The following ANKFY1 variants were observed in gnomAD, a reference collection of about 807,000 sequenced individuals.
The protein encoded by ANKFY1 is ankyrin repeat and FYVE domain containing 1.
A neutral mutation model predicts 128.3 loss-of-function variants in ANKFY1; 47 were observed. The observed-to-expected ratio is 0.37, with a 90% CI of 0.29 to 0.47. ANKFY1 has a LOEUF of 0.47. Among genes scored for constraint, ANKFY1 ranks in the 20% least tolerant of loss-of-function variants. The pLI, the probability that ANKFY1 is intolerant of heterozygous loss-of-function variation, is 1.00. For missense variants in ANKFY1, 1,222 were observed against 1,510.6 expected, an observed-to-expected ratio of 0.81 and a Z score of 3.17; for synonymous variants, 553 against 601.6, an observed-to-expected ratio of 0.92 and a Z score of 1.18.
At chr17:4,173,751 AG>A (rs1454163127) in intron 20 of ANKFY1, among the ~76,000 whole-genome samples, 157 bp downstream of exon 20, 1 of 152,216 alleles carries the variant, frequency 6.6e-6, no homozygotes, top group Non-Finnish European at 1.5e-5. Context: ...AGGCCTGGGC[AG>A]TCGCAGGTTG....
At chr17:4,219,622 G>A (rs1255531195) in intron 3 of ANKFY1, among the ~76,000 whole-genome samples, 2 of 151,922 alleles carry the variant, frequency 1.3e-5, no homozygotes, top group Non-Finnish European at 2.9e-5. Flanking sequence ...CAGCTTGAAG[G>A]GGGCAATGTC....
chr17:4,263,537 C>CT, intron 1 of ANKFY1: 1 of 1,531,968 alleles, frequency 6.5e-7, no homozygotes, highest in Non-Finnish European at 8.7e-7. Flanking sequence ...GGATGGACCC[C>CT]TTCCGGATGC....
At chr17:4,170,659 C>T (rs1177069887) in intron 23 of ANKFY1, 56 bp downstream of exon 23, 18 of 1,552,998 alleles carry the variant, frequency 1.2e-5, no homozygotes, top group Admixed American at 1.9e-5. Flanking sequence ...CAATACATGG[C>T]GATCCCAACA....
At chr17:4,237,305 A>G (rs527891471) in intron 2 of ANKFY1, among the ~76,000 whole-genome samples, 2 of 152,222 alleles carry the variant, frequency 1.3e-5, no homozygotes, top group Non-Finnish European at 2.9e-5. Flanking sequence ...ATTAGATCAC[A>G]AGATTAAGAG....
At chr17:4,198,194 G>A (rs2059862861) in intron 7 of ANKFY1, among the ~76,000 whole-genome samples, 2 of 150,980 alleles carry the variant, frequency 1.3e-5, no homozygotes, top group African/African-American at 4.9e-5. Context: ...TCTCTCAGAA[G>A]GGTTTCCAGG....
At chr17:4,198,293 C>T (rs2059864759) in intron 7 of ANKFY1, among the ~76,000 whole-genome samples, 2 of 152,114 alleles carry the variant, frequency 1.3e-5, no homozygotes, top group African/African-American at 4.8e-5. Context: ...CACCTACCCC[C>T]ATTCTGCTGT....
intron 4 of ANKFY1, among the ~76,000 whole-genome samples, chr17:4,212,960 A>G (rs999886176): frequency 2.0e-5 from 3 of 151,076 alleles, no homozygotes; most frequent in Non-Finnish European, 4.4e-5. Flanking sequence ...TTTTTTTAGT[A>G]GAGACGGGGT....
intron 3 of ANKFY1, among the ~76,000 whole-genome samples, chr17:4,228,989 C>A (rs542893205): frequency 6.6e-6 from 1 of 152,116 alleles, no homozygotes; most frequent in Non-Finnish European, 1.5e-5. Context: ...AACACCACCA[C>A]CACATAGTAA....
rs906136945 is a variant in ANKFY1, at chr17:4,164,782, C to G, written c.*2997G>C. On this transcript the variant is annotated 3_prime_UTR_variant, in exon 25 of 25. Coordinates refer to ENST00000341657, the MANE Select transcript of ANKFY1 (RefSeq NM_001330063.2). ...CATGAGCGGGGAGGAGTGGAGAAAC[C>G]ACACACACACTGAGATCCACACAGG... 4.4e-5 allele frequency: 6 copies of G among 135,728 alleles called. No homozygotes were observed. The highest frequency in any genetic ancestry group is 9.8e-5 in the Non-Finnish European group (6 of 61,248). 8.4% of individuals were successfully genotyped at this position (135,728 alleles called of 1,614,324 possible).
At chr17:4,223,923 C>G in intron 3 of ANKFY1, 1 of 605,942 alleles carries the variant, frequency 1.7e-6, no homozygotes, top group Non-Finnish European at 2.9e-6. Flanking sequence ...ATTTGTCTTC[C>G]AGAACACTGT....
At chr17:4,218,832 G>A (rs2060262639) in intron 3 of ANKFY1, among the ~76,000 whole-genome samples, 1 of 152,092 alleles carries the variant, frequency 6.6e-6, no homozygotes, top group African/African-American at 2.4e-5. Context: ...AGCCGTGACT[G>A]CACCACTGCA....
chr17:4,241,072 C>T (rs146794888), intron 2 of ANKFY1, among the ~76,000 whole-genome samples: 6 of 152,114 alleles, frequency 3.9e-5, no homozygotes, highest in Admixed American at 1.3e-4. Context: ...AAAAGAAAAA[C>T]GACAGCTAAC....
At chr17:4,250,654 T>A (rs1967776778) in intron 1 of ANKFY1, among the ~76,000 whole-genome samples, 2 of 130,888 alleles carry the variant, frequency 1.5e-5, no homozygotes, top group African/African-American at 5.6e-5. Context: ...GTTTGTAGAA[T>A]TTGAAAGAAT....
At chr17:4,227,936 C>T (rs751302376) in intron 3 of ANKFY1, among the ~76,000 whole-genome samples, 3 of 152,116 alleles carry the variant, frequency 2.0e-5, no homozygotes, top group Non-Finnish European at 2.9e-5. Context: ...TAAAATGGTA[C>T]ATCCATTTTG....
At chr17:4,212,537 T>C (rs2060151678) in intron 4 of ANKFY1, among the ~76,000 whole-genome samples, 1 of 152,216 alleles carries the variant, frequency 6.6e-6, no homozygotes, top group African/African-American at 2.4e-5. Context: ...GCCGTTCTCG[T>C]CTCTAAAACC....
intron 1 of ANKFY1, among the ~76,000 whole-genome samples, chr17:4,260,639 A>C (rs1968366279): frequency 6.6e-6 from 1 of 151,588 alleles, no homozygotes; most frequent in African/African-American, 2.4e-5. Flanking sequence ...AAAAAAAAAA[A>C]AAACCCACAA....
chr17:4,207,507 A>G (rs760780844), intron 6 of ANKFY1, among the ~76,000 whole-genome samples: 3 of 152,204 alleles, frequency 2.0e-5, no homozygotes, highest in Non-Finnish European at 4.4e-5. Context: ...GTCTCTGGAA[A>G]GAAGCACAGC....
At chr17:4,236,160 G>A (rs372137168) in intron 2 of ANKFY1, among the ~76,000 whole-genome samples, 10 of 152,112 alleles carry the variant, frequency 6.6e-5, no homozygotes, top group Non-Finnish European at 1.3e-4. Context: ...GGATTCTTAC[G>A]GTGGTGAACC....
chr17:4,168,118 G>T, intron 24 of ANKFY1: 1 of 425,010 alleles, frequency 2.4e-6, no homozygotes, highest in Non-Finnish European at 4.2e-6. Context: ...TCAAGTTAAA[G>T]CAATACTGAA....
Sources: gnomAD v4.1 joint callset for allele counts (sites outside exome capture counted in the v4.1 genomes callset) on GRCh38, gnomAD v4.1.1 for gene constraint, MANE v1.5 for transcripts, NCBI Gene and HGNC (gene_info 2026-07-23, HGNC 2026-07-21) for gene names.